Variants in IFT88 observed in about 807,000 individuals in gnomAD.
The protein encoded by IFT88 is intraflagellar transport protein 88 homolog.
A neutral mutation model predicts 119.5 loss-of-function variants in IFT88; 74 were observed. That is an observed-to-expected ratio of 0.62 (90% CI 0.51 to 0.75). IFT88 has a LOEUF of 0.75. IFT88 is among the 30% of genes least tolerant of loss of function. The probability of loss-of-function intolerance (pLI) is 0.00; values close to 1 mark genes in which losing one functional copy is unlikely to be tolerated. For synonymous variants in IFT88, 279 were observed against 316.7 expected (o/e 0.88, Z 1.26); for missense variants, 961 against 977.7 (o/e 0.98, Z 0.23).
intron 24 of IFT88, among the ~76,000 whole-genome samples, chr13:20,671,919 C>T (rs542307539): frequency 1.3e-5 from 2 of 152,186 alleles, no homozygotes; most frequent in Non-Finnish European, 2.9e-5. Flanking sequence ...GTTAGGCAGG[C>T]CTTTCATCCA....
intron 3 of IFT88, among the ~76,000 whole-genome samples, chr13:20,586,675 T>TC (rs1195047304): frequency 6.6e-6 from 1 of 152,130 alleles, no homozygotes; most frequent in Non-Finnish European, 1.5e-5. Flanking sequence ...ATAATGGTCT[T>TC]CCCCTCAGTT....
chr13:20,618,880 G>C (rs1281705108), intron 14 of IFT88, among the ~76,000 whole-genome samples: 1 of 145,954 alleles, frequency 6.9e-6, no homozygotes, highest in East Asian at 2.0e-4. Flanking sequence ...TTTTGAGATG[G>C]AGTCTCACTC....
At chr13:20,627,599 C>A (rs899892764) in intron 15 of IFT88, among the ~76,000 whole-genome samples, 19 of 151,900 alleles carry the variant, frequency 1.3e-4, no homozygotes, top group Admixed American at 1.2e-3. Context: ...GGCGTGGTGG[C>A]ATGCGCCTGT....
chr13:20,596,239 T>C lies in IFT88; in HGVS notation c.488T>C (p.Leu163Ser). ...GCCAATAGTTGTGGAGACTTAAAATTGGTAAGTTCATAAACAAGATTCAAA... is the reference window on the plus strand; with the variant it reads ...GCCAATAGTTGTGGAGACTTAAAATCGGTAAGTTCATAAACAAGATTCAAA... ...CIANSCGDLKLALEKAKDAGR... is the reference protein window; with the variant it reads ...CIANSCGDLKSALEKAKDAGR... Residue 163 changes from leucine to serine, a missense_variant and splice_region_variant, in exon 8 of 26, where the codon TTG becomes TCG. Physicochemically the swap from Leu to Ser is moderately radical, Grantham distance 145. Coordinates refer to ENST00000351808, the MANE Select transcript of IFT88 (RefSeq NM_006531.5). 1 of 1,441,798 alleles carries C rather than the reference T, an allele frequency of 6.9e-7. No individual in the cohort carries two copies. The highest frequency in any genetic ancestry group is 2.4e-5 in the East Asian group (1 of 40,994). 89.3% of individuals were successfully genotyped at this position (1,441,798 alleles called of 1,614,324 possible).
intron 24 of IFT88, among the ~76,000 whole-genome samples, chr13:20,685,716 C>G (rs974662759): frequency 6.6e-6 from 1 of 152,170 alleles, no homozygotes; most frequent in Non-Finnish European, 1.5e-5. Flanking sequence ...CCTGACTCTA[C>G]TAAAAATACA....
intron 3 of IFT88, 52 bp from the exon 4 acceptor site, chr13:20,589,759 A>T: frequency 9.2e-7 from 1 of 1,088,806 alleles, no homozygotes; most frequent in African/African-American, 1.5e-5. Context: ...CCAGTTTTCT[A>T]TTATATAGCT....
At chr13:20,603,476 T>C (rs548906811) in intron 12 of IFT88, among the ~76,000 whole-genome samples, 41 of 152,314 alleles carry the variant, frequency 2.7e-4, no homozygotes, top group Admixed American at 2.4e-3. Flanking sequence ...TACTCAGCTC[T>C]TACTCTCCCT....
At chr13:20,601,973 T>C (rs1388110820) in intron 12 of IFT88, 40 bp downstream of exon 12, 3 of 1,121,112 alleles carry the variant, frequency 2.7e-6, no homozygotes, top group Non-Finnish European at 4.0e-6. Context: ...ACTTCCCACT[T>C]ATCTGTGCTT....
intron 1 of IFT88, among the ~76,000 whole-genome samples, chr13:20,572,867 A>C (rs1234795030): frequency 6.6e-6 from 1 of 152,152 alleles, no homozygotes; most frequent in Admixed American, 6.5e-5. Flanking sequence ...CATATAAAGG[A>C]AACAGTGCAT....
intron 20 of IFT88, among the ~76,000 whole-genome samples, chr13:20,647,975 C>T (rs368797506): frequency 6.6e-6 from 1 of 152,132 alleles, no homozygotes; most frequent in African/African-American, 2.4e-5. Context: ...CATACAGGGA[C>T]CCTCAGTAAG....
At chr13:20,576,114 T>C (rs931276734) in intron 2 of IFT88, among the ~76,000 whole-genome samples, 7 of 152,264 alleles carry the variant, frequency 4.6e-5, no homozygotes, top group African/African-American at 1.7e-4. Flanking sequence ...ATTTCTCTGA[T>C]GGTCAATAAT....
At chr13:20,597,226 C>T (rs2041797558) in intron 9 of IFT88, 107 bp downstream of exon 9, 2 of 555,978 alleles carry the variant, frequency 3.6e-6, no homozygotes, top group Non-Finnish European at 3.2e-6. Context: ...TCTTCAGGTG[C>T]TCACAATTAG....
intron 11 of IFT88, among the ~76,000 whole-genome samples, chr13:20,600,664 C>G (rs1190385262): frequency 2.6e-5 from 4 of 152,184 alleles, no homozygotes; most frequent in African/African-American, 9.7e-5. Flanking sequence ...ACCTCATTCA[C>G]TGAGATGTCA....
At chr13:20,673,188 T>C (rs938461932) in intron 24 of IFT88, among the ~76,000 whole-genome samples, 1 of 152,172 alleles carries the variant, frequency 6.6e-6, no homozygotes, top group Non-Finnish European at 1.5e-5. Context: ...AACCAACCAG[T>C]TCCTTCTAAA....
Sources: gnomAD v4.1 joint callset for allele counts (sites outside exome capture counted in the v4.1 genomes callset) on GRCh38, gnomAD v4.1.1 for gene constraint, MANE v1.5 for transcripts, NCBI Gene and HGNC (gene_info 2026-07-23, HGNC 2026-07-21) for gene names.